DNM3: variants seen among roughly 807,000 people sequenced by gnomAD.
The protein encoded by DNM3 is dynamin 3, also known as dynamin-3.
Under a neutral mutation model 101.6 loss-of-function variants are expected in DNM3, and 47 were observed. The observed-to-expected ratio is 0.46, with a 90% CI of 0.37 to 0.59. The LOEUF is 0.59. Among genes scored for constraint, DNM3 ranks in the 20% least tolerant of loss-of-function variants. The pLI, the probability that DNM3 is intolerant of heterozygous loss-of-function variation, is 0.00. For missense variants in DNM3, 849 were observed against 1,085.7 expected (o/e 0.78, Z 3.06); for synonymous variants, 385 against 387.9 (o/e 0.99, Z 0.09).
intron 15 of DNM3, among the ~76,000 whole-genome samples, chr1:172,279,920 G>C (rs890701399): frequency 2.6e-5 from 4 of 152,042 alleles, no homozygotes; most frequent in Admixed American, 6.6e-5. Flanking sequence ...GATCCTATCA[G>C]ACCCCTCTGC....
At chr1:172,224,569 C>T (rs189158492) in intron 14 of DNM3, among the ~76,000 whole-genome samples, 4 of 152,162 alleles carry the variant, frequency 2.6e-5, no homozygotes, top group Admixed American at 6.5e-5. Flanking sequence ...TGTTAGCAAC[C>T]GAGACCTCAT....
At chr1:172,293,815 A>G (rs2064032096) in intron 15 of DNM3, among the ~76,000 whole-genome samples, 2 of 151,836 alleles carry the variant, frequency 1.3e-5, no homozygotes, top group South Asian at 2.1e-4. Context: ...CTTTAAGAGG[A>G]AAAAAAAATT....
At position 172,344,965 on chromosome 1, in the gene DNM3, G is replaced by A. The variant is rs9425292; in HGVS notation, c.1893+21625G>A. Among the ~76,000 whole-genome samples the A allele has an allele frequency of 3.2e-3, 489 of 152,240 alleles. 2 individuals carry two copies. Among genetic ancestry groups the A allele is most frequent in the African/African-American group, 0.011 (464 of 41,532 alleles). On this transcript the variant is annotated intron_variant, in intron 17 of 20. Coordinates refer to ENST00000627582, the MANE Select transcript of DNM3 (RefSeq NM_015569.5). ...TAATTGTATTCCATTAAGCATACTA[G>A]TACCAAAAGCTTTCAGAATACTTCA...
In DNM3 at chr1:172,272,196, T is replaced by C. The variant is rs528642473; in HGVS notation, c.1769+18514T>C. Among the ~76,000 whole-genome samples the C allele has an allele frequency of 3.6e-4, 55 of 152,210 alleles. No individual in the cohort carries two copies. In the East Asian group the frequency reaches 9.1e-3, roughly 25 times the overall value. On this transcript the variant is annotated intron_variant, in intron 15 of 20. Coordinates refer to ENST00000627582, the MANE Select transcript of DNM3 (RefSeq NM_015569.5). ...CTTCAGGATACAGCAGAAGTGCTTG[T>C]GTGTACTTCTTATTTTGTGACATGG...
intron 13 of DNM3, among the ~76,000 whole-genome samples, chr1:172,122,688 G>A (rs550413739): frequency 3.3e-5 from 5 of 152,240 alleles, no homozygotes; most frequent in African/African-American, 9.6e-5. Flanking sequence ...AGCCAACATC[G>A]TTGTATGTGT....
intron 11 of DNM3, among the ~76,000 whole-genome samples, chr1:172,071,933 T>C (rs1199440238): frequency 6.6e-6 from 1 of 152,200 alleles, no homozygotes; most frequent in Non-Finnish European, 1.5e-5. Context: ...GCGACCTGGC[T>C]CTTTTCCTAG....
At chr1:172,362,351 T>C (rs963804043) in intron 17 of DNM3, among the ~76,000 whole-genome samples, 1 of 151,848 alleles carries the variant, frequency 6.6e-6, no homozygotes, top group African/African-American at 2.4e-5. Context: ...ATGAAAAGAT[T>C]TTAGCAATCA....
chr1:172,041,076 A>G (rs1421705958), intron 7 of DNM3, among the ~76,000 whole-genome samples: 2 of 152,136 alleles, frequency 1.3e-5, no homozygotes, highest in Non-Finnish European at 2.9e-5. Context: ...TCACAAATCT[A>G]TGTTATTCTG....
chr1:172,052,363 T>G (rs2050263346), intron 10 of DNM3, among the ~76,000 whole-genome samples: 1 of 152,130 alleles, frequency 6.6e-6, no homozygotes, highest in African/African-American at 2.4e-5. Flanking sequence ...CCATCACATT[T>G]TAAAAAATCA....
chr1:172,228,877 T>G (rs1478617712), intron 14 of DNM3, among the ~76,000 whole-genome samples: 2 of 152,144 alleles, frequency 1.3e-5, no homozygotes, highest in Admixed American at 6.6e-5. Flanking sequence ...TCCCACAAGT[T>G]GAGTCTAAAG....
At position 172,418,321 on chromosome 1, in the gene DNM3, C is replaced by G. The variant is rs2071503138; in HGVS notation, c.*4C>G. 3.1e-6 allele frequency: 4 copies of G among 1,288,694 alleles called. No homozygotes were observed. In the South Asian group the frequency reaches 3.7e-5, roughly 12 times the overall value. The allele number at this position is 1,288,694 out of a possible 1,614,324, so 79.8% of individuals were successfully genotyped here. On this transcript the variant is annotated 3_prime_UTR_variant, in exon 21 of 21. Transcript: ENST00000485254. ...AGTTCCAGGACGACCATCCTAACCC[C>G]CATCATTCATCTCCTTTTGTTTCCA... is the stretch of plus-strand genomic sequence containing the variant.
chr1:172,018,962 CCCTTCCTTCCCTCCCTCCCT>C (rs1558430172), intron 4 of DNM3, among the ~76,000 whole-genome samples: 2 of 149,958 alleles, frequency 1.3e-5, no homozygotes, highest in African/African-American at 4.9e-5. Flanking sequence ...CTTTTCCTTC[CCCTTCCTTCCCTCCCTCCCT>C]CCTTCCTTCC....
At chr1:172,282,494 A>G (rs1005550636) in intron 15 of DNM3, among the ~76,000 whole-genome samples, 1 of 152,138 alleles carries the variant, frequency 6.6e-6, no homozygotes, top group Non-Finnish European at 1.5e-5. Context: ...GAATTTCTCT[A>G]TCTGATTGCA....
downstream of DNM3, among the ~76,000 whole-genome samples, chr1:172,414,914 A>G (rs1210775369): frequency 6.6e-6 from 1 of 150,790 alleles, no homozygotes; most frequent in Non-Finnish European, 1.5e-5. Context: ...AAAAAAAAAA[A>G]AAAAAAGTTG....
At chr1:172,317,787 C>T (rs557396669) in intron 16 of DNM3, among the ~76,000 whole-genome samples, 2 of 152,232 alleles carry the variant, frequency 1.3e-5, no homozygotes, top group African/African-American at 4.8e-5. Flanking sequence ...CAGATGGATT[C>T]ACAGCCGAAT....
intron 4 of DNM3, among the ~76,000 whole-genome samples, chr1:172,018,276 G>T (rs1351279306): frequency 6.6e-6 from 1 of 151,474 alleles, no homozygotes; most frequent in African/African-American, 2.4e-5. Flanking sequence ...TTCTTTCCTT[G>T]TTTTTGTATC....
At chr1:172,118,004 T>G (rs1392118374) in intron 13 of DNM3, among the ~76,000 whole-genome samples, 1 of 152,110 alleles carries the variant, frequency 6.6e-6, no homozygotes, top group African/African-American at 2.4e-5. Flanking sequence ...GACAGGAAAG[T>G]ATGTTTGTGG....
chr1:172,080,414 G>A (rs368493244), intron 11 of DNM3, among the ~76,000 whole-genome samples: 129 of 152,252 alleles, frequency 8.5e-4, no homozygotes, highest in African/African-American at 3.0e-3. Context: ...TGGCAGCTTT[G>A]CTTACACTGT....
intron 15 of DNM3, among the ~76,000 whole-genome samples, chr1:172,266,626 C>A (rs2062869133): frequency 6.6e-6 from 1 of 152,100 alleles, no homozygotes; most frequent in Non-Finnish European, 1.5e-5. Flanking sequence ...CTTCTAAATA[C>A]CCTGATTCAG....
Sources: gnomAD v4.1 joint callset for allele counts (sites outside exome capture counted in the v4.1 genomes callset) on GRCh38, gnomAD v4.1.1 for gene constraint, MANE v1.5 for transcripts, NCBI Gene and HGNC (gene_info 2026-07-23, HGNC 2026-07-21) for gene names.